LDLRAD3: variants seen among roughly 807,000 people sequenced by gnomAD.
LDLRAD3 encodes low density lipoprotein receptor class A domain containing 3, also known as low-density lipoprotein receptor class A domain-containing protein 3.
LDLRAD3 carries 20 observed loss-of-function variants against 29.4 expected under a neutral mutation model. That is an observed-to-expected ratio of 0.68 (90% CI 0.48 to 0.99). The LOEUF (loss-of-function observed/expected upper bound fraction) is 0.99. Ranked by LOEUF, LDLRAD3 falls within the 50% of genes least tolerant of loss-of-function variation. The pLI is 0.00. For missense variants in LDLRAD3, 420 were observed against 454.3 expected, an observed-to-expected ratio of 0.92 and a Z score of 0.69; for synonymous variants, 157 against 192.7, an observed-to-expected ratio of 0.81 and a Z score of 1.53.
chr11:36,111,849 G>C (rs367608450), intron 4 of LDLRAD3, among the ~76,000 whole-genome samples: 1 of 152,074 alleles, frequency 6.6e-6, no homozygotes, highest in African/African-American at 2.4e-5. Flanking sequence ...CACCTGCCTC[G>C]GCCTCCCAAA....
chr11:35,945,009 C>T (rs1237308840), intron 1 of LDLRAD3, among the ~76,000 whole-genome samples: 1 of 152,230 alleles, frequency 6.6e-6, no homozygotes, highest in Non-Finnish European at 1.5e-5. Flanking sequence ...TCCTCTGCCC[C>T]TGCCCGCCGC....
intron 1 of LDLRAD3, among the ~76,000 whole-genome samples, chr11:36,023,311 G>A (rs1852121742): frequency 6.6e-6 from 1 of 152,182 alleles, no homozygotes; most frequent in South Asian, 2.1e-4. Flanking sequence ...CGGGAGGTAG[G>A]TGTGATTCCC....
At chr11:36,152,563 A>G (rs1489222766) in intron 4 of LDLRAD3, among the ~76,000 whole-genome samples, 5 of 152,112 alleles carry the variant, frequency 3.3e-5, no homozygotes, top group Admixed American at 2.6e-4. Context: ...AAAATCCTCC[A>G]TATAGTCTGT....
intron 4 of LDLRAD3, among the ~76,000 whole-genome samples, chr11:36,137,020 T>C (rs1590297944): frequency 6.6e-6 from 1 of 152,230 alleles, no homozygotes; most frequent in African/African-American, 2.4e-5. Flanking sequence ...TTACCCAGAC[T>C]CAGGTATTTC....
chr11:35,998,792 C>T (rs34158052), intron 1 of LDLRAD3, among the ~76,000 whole-genome samples: 49,373 of 151,982 alleles, frequency 0.32, 8,178 homozygotes, highest in South Asian at 0.48. Flanking sequence ...TTCGAAATGG[C>T]CCATCTAAGT....
chr11:36,081,503 T>G (rs1853113277), intron 2 of LDLRAD3, 150 bp from the exon 3 acceptor site: 1 of 1,008,282 alleles, frequency 9.9e-7, no homozygotes, highest in Non-Finnish European at 1.5e-6. Flanking sequence ...GCTGGGTGTT[T>G]GAGGTGGGTG....
At chr11:35,973,117 G>T (rs1851435572) in intron 1 of LDLRAD3, among the ~76,000 whole-genome samples, 1 of 150,408 alleles carries the variant, frequency 6.6e-6, no homozygotes, top group South Asian at 2.1e-4. Context: ...GACCCCAGCT[G>T]CCCTGGTCTC....
At chr11:35,946,354 C>CCA (rs1554950253) in intron 1 of LDLRAD3, among the ~76,000 whole-genome samples, 5 of 152,156 alleles carry the variant, frequency 3.3e-5, no homozygotes, top group African/African-American at 1.2e-4. Context: ...CAAGGTTGAA[C>CCA]CGTAGTTAGA....
rs140975749 is a variant in LDLRAD3, at chr11:36,131,122, C to G, written c.454+32661C>G. On this transcript the variant is annotated intron_variant, in intron 4 of 5. Coordinates refer to ENST00000315571, the MANE Select transcript of LDLRAD3 (RefSeq NM_174902.4). ...CCACATTGGCATCAGAAAAACCACT[C>G]TAGGCCGGGCACAGTGGCTCATGCC... Among the ~76,000 whole-genome samples, 580 of 152,364 alleles carry G rather than the reference C, an allele frequency of 3.8e-3. 5 individuals are homozygous for G. The highest frequency in any genetic ancestry group is 0.013 in the African/African-American group (543 of 41,598).
chr11:36,043,497 G>A (rs1444818735), intron 2 of LDLRAD3, among the ~76,000 whole-genome samples: 6 of 152,298 alleles, frequency 3.9e-5, no homozygotes, highest in South Asian at 2.1e-4. Context: ...CAAACCCCCG[G>A]TATCTCAGAA....
At chr11:36,041,956 T>C (rs954039412) in intron 2 of LDLRAD3, among the ~76,000 whole-genome samples, 1 of 152,314 alleles carries the variant, frequency 6.6e-6, no homozygotes, top group South Asian at 2.1e-4. Flanking sequence ...AATCCAGAGA[T>C]AGAAAAGTAG....
intron 1 of LDLRAD3, among the ~76,000 whole-genome samples, chr11:36,005,371 G>C (rs1851871183): frequency 6.6e-6 from 1 of 152,154 alleles, no homozygotes; most frequent in Admixed American, 6.5e-5. Context: ...TCTAGGGCAG[G>C]GGCAGAATGC....
intron 2 of LDLRAD3, among the ~76,000 whole-genome samples, chr11:36,049,999 C>T (rs1852505494): frequency 6.6e-6 from 1 of 152,158 alleles, no homozygotes; most frequent in Non-Finnish European, 1.5e-5. Context: ...GCAATAAAGC[C>T]TGTGATGTTT....
At chr11:35,987,261 C>A (rs911634366) in intron 1 of LDLRAD3, among the ~76,000 whole-genome samples, 2 of 152,114 alleles carry the variant, frequency 1.3e-5, no homozygotes, top group East Asian at 3.9e-4. Context: ...AGAATAATTT[C>A]AACTTTTGTT....
intron 3 of LDLRAD3, among the ~76,000 whole-genome samples, chr11:36,097,563 G>A (rs1158071924): frequency 1.3e-5 from 2 of 152,176 alleles, no homozygotes; most frequent in African/African-American, 4.8e-5. Flanking sequence ...GCATGTCGGG[G>A]TGGAGAGTGG....
At chr11:35,973,166 G>GT (rs1426348804) in intron 1 of LDLRAD3, among the ~76,000 whole-genome samples, 5 of 150,422 alleles carry the variant, frequency 3.3e-5, no homozygotes, top group African/African-American at 1.2e-4. Flanking sequence ...GTTTTGTTTT[G>GT]TTTTGTTTTT....
intron 1 of LDLRAD3, among the ~76,000 whole-genome samples, chr11:35,976,260 A>C (rs990389372): frequency 6.6e-6 from 1 of 152,112 alleles, no homozygotes; most frequent in Non-Finnish European, 1.5e-5. Context: ...AAGTGTACAC[A>C]GTTAGATCCT....
At chr11:36,053,863 ACT>A (rs1852566048) in intron 2 of LDLRAD3, among the ~76,000 whole-genome samples, 1 of 152,034 alleles carries the variant, frequency 6.6e-6, no homozygotes, top group South Asian at 2.1e-4. Flanking sequence ...TTGTCATGTG[ACT>A]CTTATAAGGA....
At chr11:36,183,804 G>A (rs996184452) in intron 4 of LDLRAD3, among the ~76,000 whole-genome samples, 3 of 151,952 alleles carry the variant, frequency 2.0e-5, no homozygotes, top group South Asian at 2.1e-4. Context: ...TTTCTGCTGC[G>A]TTCTGAATAA....
Sources: allele counts gnomAD v4.1 joint callset (sites outside exome capture counted in the v4.1 genomes callset), GRCh38; gene constraint gnomAD v4.1.1; transcripts MANE v1.5; gene names NCBI Gene and HGNC (gene_info 2026-07-23, HGNC 2026-07-21).